ICA1L: variants seen among roughly 807,000 people sequenced by gnomAD.
ICA1L encodes the protein islet cell autoantigen 1-like protein.
In ICA1L, 50 loss-of-function variants were observed where a neutral mutation model predicts 61.3. The ratio of observed to expected loss-of-function variants is 0.82; its 90% CI spans 0.65 to 1.03. The LOEUF is 1.03. ICA1L is among the 50% of genes least tolerant of loss of function. The pLI is 0.00. For missense variants in ICA1L, 508 were observed against 556.7 expected (o/e 0.91, Z 0.88); for synonymous variants, 161 against 191.3 (o/e 0.84, Z 1.31).
At position 202,828,917 on chromosome 2, in the gene ICA1L, G is replaced by GAT; in HGVS notation, c.91_92dup (p.Lys32SerfsTer37). On this transcript the variant is annotated frameshift_variant, in exon 2 of 13. Coordinates refer to ENST00000358299, the MANE Select transcript of ICA1L (RefSeq NM_001288622.3). LOFTEE classifies it high-confidence loss of function. The stretch of plus-strand genomic sequence containing the variant: ...CATCCTCTTTTTTTCCTGTTGCTTT[G>GAT]ATAAAGACCTGTTTAGTTTTCCAGT... 1 of 1,613,488 alleles carries GAT rather than the reference G, an allele frequency of 6.2e-7. No individual in the cohort carries two copies.
In ICA1L at chr2:202,851,890, T is replaced by C. The variant is rs141890530; in HGVS notation, c.-8+19729A>G. 6.4e-4 allele frequency among the ~76,000 whole-genome samples: 97 copies of C among 152,350 alleles called. No homozygotes were observed. The East Asian group carries it at 0.013, about 21-fold the overall frequency. The stretch of plus-strand genomic sequence containing the variant: ...CTTGTAAATTTGTTTGAGTTCTTTG[T>C]AGATTCTGGATATTAGCCCTTTGTC... On this transcript the variant is annotated intron_variant, in intron 1 of 12. Transcript: ENST00000358299.
intron 1 of ICA1L, chr2:202,841,223 A>G: frequency 1.4e-6 from 1 of 708,406 alleles, no homozygotes. Flanking sequence ...CCATCTCTGT[A>G]CGTTTGTTGA....
intron 1 of ICA1L, among the ~76,000 whole-genome samples, chr2:202,843,518 T>A (rs1694383942): frequency 6.6e-6 from 1 of 152,158 alleles, no homozygotes; most frequent in Non-Finnish European, 1.5e-5. Flanking sequence ...GCTGAAGGGA[T>A]CCCTCTTGGC....
At chr2:202,813,111 C>G (rs1328723882) in intron 8 of ICA1L, among the ~76,000 whole-genome samples, 1 of 151,704 alleles carries the variant, frequency 6.6e-6, no homozygotes, top group East Asian at 1.9e-4. Flanking sequence ...AATACAGAAA[C>G]TAGCTGGGCT....
chr2:202,774,592 A>C lies in ICA1L; in HGVS notation c.*4941T>G. 3.3e-6 allele frequency: 1 copy of C among 299,196 alleles called. No individual in the cohort carries two copies. Among genetic ancestry groups the C allele is most frequent in the African/African-American group, 2.2e-5 (1 of 45,092 alleles). 18.5% of individuals were successfully genotyped at this position (299,196 alleles called of 1,614,324 possible). ...AGGTCCTAGAGAGACCAGTCACTGC[A>C]TGCTGAGAGGGGGTCACATGGGAGG... On this transcript the variant is annotated 3_prime_UTR_variant, in exon 13 of 13. Transcript: ENST00000358299.
At position 202,843,628 on chromosome 2, in the gene ICA1L, T is replaced by C. The variant is rs1047089444; in HGVS notation, c.-7-14612A>G. Among the ~76,000 whole-genome samples the C allele has an allele frequency of 5.9e-5, 9 of 152,176 alleles. 1 individual carries two copies. The highest frequency in any genetic ancestry group is 1.9e-4 in the African/African-American group (8 of 41,438). Reference sequence around the variant, plus strand: ...GCAGTTCTGAGTTCCCAGGTAGTAATGGCATTGGTGTCTGGGATGCAGGGA... The same window carrying C: ...GCAGTTCTGAGTTCCCAGGTAGTAACGGCATTGGTGTCTGGGATGCAGGGA... On this transcript the variant is annotated intron_variant, in intron 1 of 12. Transcript: ENST00000358299.
intron 1 of ICA1L, among the ~76,000 whole-genome samples, chr2:202,838,768 T>C (rs1694224277): frequency 6.6e-6 from 1 of 152,194 alleles, no homozygotes; most frequent in South Asian, 2.1e-4. Flanking sequence ...TAAAAGAGGT[T>C]TAATTGGCTC....
chr2:202,854,685 A>G (rs1474367083), intron 1 of ICA1L, among the ~76,000 whole-genome samples: 1 of 152,212 alleles, frequency 6.6e-6, no homozygotes, highest in African/African-American at 2.4e-5. Context: ...AAATCATAAA[A>G]AACAGTCTCT....
intron 9 of ICA1L, among the ~76,000 whole-genome samples, chr2:202,800,298 C>T (rs1476306802): frequency 1.3e-5 from 2 of 152,078 alleles, no homozygotes; most frequent in African/African-American, 4.8e-5. Flanking sequence ...ATACATATGG[C>T]AAAAGATAGC....
chr2:202,841,234 T>G (rs938039428), intron 1 of ICA1L: 3 of 717,434 alleles, frequency 4.2e-6, no homozygotes, highest in African/African-American at 1.7e-5. Context: ...CGTTTGTTGA[T>G]CTCATCCTCA....
At position 202,871,725 on chromosome 2, in the gene ICA1L, C is replaced by G. The variant is rs927950081; in HGVS notation, c.-114G>C. On this transcript the variant is annotated 5_prime_UTR_variant, in exon 1 of 13. Transcript: ENST00000358299. ...AGCCCCGCGCCGACTCCCGGCCCTC[C>G]GGCAGCCAGTGCCCCTCCGCACCAG... 2 of 152,670 alleles carry G rather than the reference C, an allele frequency of 1.3e-5. No individual in the cohort carries two copies. Among genetic ancestry groups the G allele is most frequent in the Non-Finnish European group, 2.9e-5 (2 of 68,466 alleles). The allele number at this position is 152,670 out of a possible 1,614,324, so 9.5% of individuals were successfully genotyped here. A position where few individuals can be genotyped will look rare whatever the true frequency, so the allele number is the denominator to read the frequency against.
At chr2:202,788,801 A>T in intron 11 of ICA1L, 29 bp downstream of exon 11, 1 of 1,612,432 alleles carries the variant, frequency 6.2e-7, no homozygotes, top group East Asian at 2.2e-5. Flanking sequence ...AGTAAAGCAC[A>T]TATGTCCAAA....
chr2:202,791,613 G>C (rs930641846), intron 10 of ICA1L, among the ~76,000 whole-genome samples: 1 of 152,222 alleles, frequency 6.6e-6, no homozygotes, highest in Non-Finnish European at 1.5e-5. Context: ...TTGGGAGGCT[G>C]AGGCAGGTGG....
At chr2:202,855,317 A>G (rs1488776474) in intron 1 of ICA1L, among the ~76,000 whole-genome samples, 1 of 152,194 alleles carries the variant, frequency 6.6e-6, no homozygotes, top group African/African-American at 2.4e-5. Flanking sequence ...ACTGAAGGAG[A>G]GAGAGACATG....
At chr2:202,786,725 T>TA in intron 11 of ICA1L, 1 of 453,522 alleles carries the variant, frequency 2.2e-6, no homozygotes. Context: ...AGGAAATAAT[T>TA]TAGCTGAAGG....
At chr2:202,824,600 A>G in intron 3 of ICA1L, among the ~76,000 whole-genome samples, 1 of 152,316 alleles carries the variant, frequency 6.6e-6, no homozygotes, top group Non-Finnish European at 1.5e-5. Context: ...GGAAGGCCTC[A>G]TTTAAAAAGA....
chr2:202,808,509 G>A (rs543231757), intron 9 of ICA1L, among the ~76,000 whole-genome samples: 3 of 152,190 alleles, frequency 2.0e-5, no homozygotes, highest in Non-Finnish European at 4.4e-5. Context: ...TCTGGGATCT[G>A]CTCTAGGCTG....
chr2:202,855,592 T>A (rs935948281), intron 1 of ICA1L, among the ~76,000 whole-genome samples: 7 of 151,922 alleles, frequency 4.6e-5, no homozygotes, highest in African/African-American at 1.7e-4. Context: ...CAGTAAGAAG[T>A]CAAATCCCTG....
intron 1 of ICA1L, among the ~76,000 whole-genome samples, chr2:202,837,150 A>G (rs1694175577): frequency 6.7e-6 from 1 of 149,320 alleles, no homozygotes; most frequent in African/African-American, 2.5e-5. Flanking sequence ...CCTGTGTATC[A>G]TTTTTTATAG....
Sources: allele counts gnomAD v4.1 joint callset (sites outside exome capture counted in the v4.1 genomes callset), GRCh38; gene constraint gnomAD v4.1.1; transcripts MANE v1.5; gene names NCBI Gene and HGNC (gene_info 2026-07-23, HGNC 2026-07-21).